Variants in APBB3 observed in about 807,000 individuals in gnomAD.
The protein encoded by APBB3 is amyloid beta precursor protein binding family B member 3, also known as amyloid-beta A4 precursor protein-binding family B member 3.
In APBB3, 50 loss-of-function variants were observed where a neutral mutation model predicts 61.5. That is an observed-to-expected ratio of 0.81 (90% CI 0.65 to 1.03). The LOEUF is 1.03. Among genes scored for constraint, APBB3 ranks in the 50% least tolerant of loss-of-function variants. The pLI, the probability that APBB3 is intolerant of heterozygous loss-of-function variation, is 0.00. For missense variants in APBB3, 550 were observed against 637.4 expected (o/e 0.86, Z 1.48); for synonymous variants, 235 against 233.0 (o/e 1.01, Z -0.08).
chr5:140,558,487 A>C lies in APBB3; in HGVS notation c.*98T>G, dbSNP rs1561866465. On this transcript the variant is annotated 3_prime_UTR_variant, in exon 13 of 13. Transcript: ENST00000357560. Reference sequence around the variant, plus strand: ...CAAGGATCGGAGGGACAGGCAGAGAAGGCTTCAAGGAGTGACAGGCTATAG... The same window carrying C: ...CAAGGATCGGAGGGACAGGCAGAGACGGCTTCAAGGAGTGACAGGCTATAG... 5.2e-6 allele frequency: 6 copies of C among 1,154,110 alleles called. No homozygotes were observed. Among genetic ancestry groups the C allele is most frequent in the Non-Finnish European group, 6.5e-6 (5 of 764,536 alleles). 71.5% of individuals were successfully genotyped at this position (1,154,110 alleles called of 1,614,324 possible).
chr5:140,559,921 G>A (rs1459338940), intron 12 of APBB3, among the ~76,000 whole-genome samples: 1 of 152,218 alleles, frequency 6.6e-6, no homozygotes, highest in Non-Finnish European at 1.5e-5. Flanking sequence ...TGGGCAAACT[G>A]AACTAACGAA....
chr5:140,562,484 A>G lies in APBB3; in HGVS notation c.367T>C (p.Ser123Pro). 6 of 1,614,102 alleles carry G rather than the reference A, an allele frequency of 3.7e-6. No homozygotes were observed. The highest frequency in any genetic ancestry group is 5.1e-6 in the Non-Finnish European group (6 of 1,180,004). Residue 123 changes from serine to proline, a missense_variant, in exon 5 of 13, where the codon TCT becomes CCT. Ser to Pro is a moderately conservative substitution (Grantham distance 74). Transcript: ENST00000357560. ...TCAGGTACCTCTACCCAGCCCAGAG[A>G]GCGGACTGCAAAGCACTGACAGGTT... is the stretch of plus-strand genomic sequence containing the variant. ...EPGAKCFAVR[S>P]LGWVEVPEED... is the part of the protein sequence containing the mutation.
chr5:140,564,398 A>C lies in APBB3; in HGVS notation c.-153T>G, dbSNP rs1755120706. On this transcript the variant is annotated 5_prime_UTR_variant, in exon 1 of 13. Transcript: ENST00000357560. The surrounding 1 kb of genome is among the most constrained non-coding windows in gnomAD (Gnocchi z 5.0). ...AATACGGGGCGGGACACGGGGCGGG[A>C]CACGGGCCGGTCCCGGGGGAGGGCC... The C allele has an allele frequency of 1.1e-6, 1 of 889,072 alleles. No individual in the cohort carries two copies. Among genetic ancestry groups the C allele is most frequent in the Non-Finnish European group, 1.7e-6 (1 of 583,746 alleles). 55.1% of individuals were successfully genotyped at this position (889,072 alleles called of 1,614,324 possible). A position where few individuals can be genotyped will look rare whatever the true frequency, so the allele number is the denominator to read the frequency against.
rs745448391 is a variant in APBB3 at position 140,561,435 on chromosome 5, T to A, written c.762A>T (p.Arg254=). The A allele has an allele frequency of 6.2e-7, 1 of 1,614,140 alleles. No individual in the cohort carries two copies. The highest frequency in any genetic ancestry group is 1.7e-5 in the Admixed American group (1 of 60,012). Residue 254 remains arginine, a synonymous_variant, in exon 9 of 13, where the codon CGA becomes CGT. Transcript: ENST00000357560. ...AAGAGGCATCACCACTGACCTCTAC[T>A]CGCTCTGACAAGATCTAAAACACAA... ...HGLCAQILSE[R]VEVSGDASCC...
chr5:140,563,701 C>A, intron 2 of APBB3, 31 bp from the exon 3 acceptor site: 1 of 1,614,062 alleles, frequency 6.2e-7, no homozygotes. Context: ...AGTTTAACAG[C>A]AGACCTAGGT....
rs1754943395 is a variant in APBB3 at position 140,561,307 on chromosome 5, C to A, written c.832+58G>T. 5 of 1,590,674 alleles carry A rather than the reference C, an allele frequency of 3.1e-6. No individual in the cohort carries two copies. The South Asian group carries it at 4.4e-5, about 14-fold the overall frequency. On this transcript the variant is annotated intron_variant, in intron 9 of 12. Coordinates refer to ENST00000357560, the MANE Select transcript of APBB3 (RefSeq NM_133173.3). ...GTATTAAATAACCAGAAATCGCCCCCCCACAAAGCAGCACCAAAGCACCCC... is the reference window on the plus strand; with the variant it reads ...GTATTAAATAACCAGAAATCGCCCCACCACAAAGCAGCACCAAAGCACCCC...
chr5:140,562,054 CGGGA>C lies in APBB3; in HGVS notation c.626+42_626+45del, dbSNP rs539602385. ...ATCAGTGGGGATCACAGCCTGCAGC[CGGGA>C]GGGAGAAGTAGCTCTTGCTTGGGGG... is the stretch of plus-strand genomic sequence containing the variant. On this transcript the variant is annotated intron_variant, in intron 6 of 12. Coordinates refer to ENST00000357560, the MANE Select transcript of APBB3 (RefSeq NM_133173.3). 1.8e-4 allele frequency: 287 copies of C among 1,612,456 alleles called. 1 individual carries two copies. The African/African-American group carries it at 3.7e-3, about 21-fold the overall frequency.
chr5:140,561,879 G>A (rs1171554346), intron 6 of APBB3, 30 bp from the exon 7 acceptor site: 8 of 1,613,480 alleles, frequency 5.0e-6, no homozygotes, highest in Non-Finnish European at 6.8e-6. Flanking sequence ...GAGCACAGAA[G>A]GGAATCAGCC....
intron 6 of APBB3, 71 bp downstream of exon 6, chr5:140,562,029 A>G: frequency 6.2e-7 from 1 of 1,612,702 alleles, no homozygotes; most frequent in Non-Finnish European, 8.5e-7. Flanking sequence ...GGGGATCAGC[A>G]TCAGTGGGGA....
Position 140,562,365 on chromosome 5 carries a change from A to C in APBB3, c.486T>G (p.Gly162=). 1 of 1,614,048 alleles carries C rather than the reference A, an allele frequency of 6.2e-7. No individual in the cohort carries two copies. Among genetic ancestry groups the C allele is most frequent in the Non-Finnish European group, 8.5e-7 (1 of 1,179,968 alleles). ...QTRSRSQPPD[G]AWGEGQNMLM... is the part of the protein sequence containing the mutation. ...CCAGCCAACTCACCTCACCCCAGGC[A>C]CCATCTGGAGGCTGGCTCCGGCTGC... Residue 162 remains glycine (G), a synonymous_variant, in exon 5 of 13, where the codon GGT becomes GGG. Coordinates refer to ENST00000357560, the MANE Select transcript of APBB3 (RefSeq NM_133173.3).
intron 1 of APBB3, 48 bp from the exon 2 acceptor site, chr5:140,563,963 T>A (rs1053899858): frequency 1.9e-6 from 3 of 1,598,352 alleles, no homozygotes; most frequent in Admixed American, 3.4e-5. Flanking sequence ...ATTTGTGAGT[T>A]CAGAATAACA....
chr5:140,559,933 T>C (rs893397069), intron 12 of APBB3, among the ~76,000 whole-genome samples: 2 of 152,316 alleles, frequency 1.3e-5, no homozygotes, highest in Non-Finnish European at 2.9e-5. Context: ...ACTAACGAAG[T>C]ATAAGCAACC....
intron 3 of APBB3, 121 bp downstream of exon 3, chr5:140,563,473 A>C (rs918153255): frequency 1.7e-6 from 2 of 1,196,462 alleles, no homozygotes; most frequent in African/African-American, 3.0e-5. Context: ...CAAGAACGTA[A>C]CAGAACCCAA....
At position 140,561,705 on chromosome 5, in the gene APBB3, G is replaced by C; in HGVS notation, c.633-4C>G. 1 of 1,614,224 alleles carries C rather than the reference G, an allele frequency of 6.2e-7. No homozygotes were observed. Among genetic ancestry groups the C allele is most frequent in the Non-Finnish European group, 8.5e-7 (1 of 1,180,034 alleles). The stretch of plus-strand genomic sequence containing the variant: ...ACTTGCCACAAAAGCGAAGTCCCTA[G>C]CAGGGGCAGAGATGGGGCTGGGGTA... On this transcript the variant is annotated splice_region_variant and splice_polypyrimidine_tract_variant and intron_variant, in intron 7 of 12. Coordinates refer to ENST00000357560, the MANE Select transcript of APBB3 (RefSeq NM_133173.3).
At chr5:140,562,767 T>C (rs376996054) in intron 3 of APBB3, 44 bp from the exon 4 acceptor site, 8 of 1,600,610 alleles carry the variant, frequency 5.0e-6, no homozygotes, top group Non-Finnish European at 6.8e-6. Context: ...TTTCCTACAG[T>C]AGGGACACTG....
At chr5:140,563,122 G>A (rs1427277819) in intron 3 of APBB3, among the ~76,000 whole-genome samples, 2 of 152,224 alleles carry the variant, frequency 1.3e-5, no homozygotes, top group African/African-American at 2.4e-5. Flanking sequence ...GCATGTGCCT[G>A]TAGTTTCAGC....
In APBB3 at chr5:140,562,422, G is replaced by C; in HGVS notation, c.429C>G (p.Val143=). The change falls in exon 5 of 13, where the codon GTC becomes GTG. Residue 143 remains valine (V), a synonymous_variant. Coordinates refer to ENST00000357560, the MANE Select transcript of APBB3 (RefSeq NM_133173.3). ...DLAPGKSSIA[V]NNCIQQLAQT... ...GGGCCAGCTGCTGGATACAGTTATT[G>C]ACTGCAATACTGCTCTTCCCCGGTG... 6.2e-7 allele frequency: 1 copy of C among 1,614,196 alleles called. No individual in the cohort carries two copies. The highest frequency in any genetic ancestry group is 8.5e-7 in the Non-Finnish European group (1 of 1,180,040).
Position 140,561,573 on chromosome 5 carries a change from C to G in APBB3, c.747+14G>C. The G allele has an allele frequency of 1.2e-6, 2 of 1,614,100 alleles. No individual in the cohort carries two copies. The highest frequency in any genetic ancestry group is 8.5e-7 in the Non-Finnish European group (1 of 1,179,962). On this transcript the variant is annotated intron_variant, in intron 8 of 12. Coordinates refer to ENST00000357560, the MANE Select transcript of APBB3 (RefSeq NM_133173.3). The stretch of plus-strand genomic sequence containing the variant: ...CCCCTTACCCACATTCCCTGCCCCA[C>G]CCCTGACACTTACCTGGGCACAAAG...
In APBB3 at chr5:140,560,371, G is replaced by A; in HGVS notation, c.1166C>T (p.Ala389Val). Residue 389 changes from alanine (A) to valine (V), a missense_variant, in exon 12 of 13, where the codon GCC becomes GTC. Ala to Val is a moderately conservative substitution (Grantham distance 64). Transcript: ENST00000357560. The surrounding 1 kb of genome is among the most constrained non-coding windows in gnomAD (Gnocchi z 5.1). ...DLGRQSFQCA[A>V]FWCQPHAGGL... ...CCCTGCATGGGGCTGGCACCAGAAG[G>A]CTGCGCACTGGAAGCTCTGACGGCC... The A allele has an allele frequency of 2.5e-6, 4 of 1,614,214 alleles. No individual in the cohort carries two copies. The highest frequency in any genetic ancestry group is 1.3e-5 in the African/African-American group (1 of 75,046).
Sources: gnomAD v4.1 joint callset for allele counts (sites outside exome capture counted in the v4.1 genomes callset) on GRCh38, gnomAD v4.1.1 for gene constraint, Gnocchi (gnomAD v3.1) non-coding constraint, MANE v1.5 for transcripts, NCBI Gene and HGNC (gene_info 2026-07-23, HGNC 2026-07-21) for gene names.